Variants in TCF4 observed in about 807,000 individuals in gnomAD.
TCF4 encodes the protein transcription factor 4.
A neutral mutation model predicts 82.1 loss-of-function variants in TCF4; 3 were observed. The ratio of observed to expected loss-of-function variants is 0.04; its 90% CI spans 0.02 to 0.09. TCF4 has a LOEUF of 0.09. Among genes scored for constraint, TCF4 ranks in the 10% least tolerant of loss-of-function variants. The probability of loss-of-function intolerance (pLI) is 1.00; values close to 1 mark genes in which losing one functional copy is unlikely to be tolerated. For missense variants in TCF4, 518 were observed against 852.7 expected, an observed-to-expected ratio of 0.61 and a Z score of 4.89; for synonymous variants, 276 against 309.6, an observed-to-expected ratio of 0.89 and a Z score of 1.14.
rs770223124 is a variant in TCF4, at chr18:55,403,484, C to T, written c.339G>A (p.Gly113=). 6.2e-7 allele frequency: 1 copy of T among 1,613,834 alleles called. No homozygotes were observed. Among genetic ancestry groups the T allele is most frequent in the Non-Finnish European group, 8.5e-7 (1 of 1,179,820 alleles). ...GGCAACCCTGTAAGTTTGATTCTCT[C>T]CCATAAGATGAGTATGAGCCCCTTT... is the stretch of plus-strand genomic sequence containing the variant. ...KTERGSYSSY[G]RESNLQGCHQ... is the part of the protein sequence containing the mutation. Residue 113 remains glycine (G), a synonymous_variant, in exon 6 of 20, where the codon GGG becomes GGA. Transcript: ENST00000354452.
chr18:55,444,934 C>A (rs904623177), intron 5 of TCF4, among the ~76,000 whole-genome samples: 1 of 152,170 alleles, frequency 6.6e-6, no homozygotes, highest in Non-Finnish European at 1.5e-5. Context: ...CCTGCCTTGC[C>A]CATCAGTTAC....
chr18:55,527,427 C>T (rs184336262), intron 3 of TCF4, among the ~76,000 whole-genome samples: 6 of 152,268 alleles, frequency 3.9e-5, no homozygotes, highest in Admixed American at 6.5e-5. Flanking sequence ...CATACAAGCA[C>T]GTTTCTCAAT....
chr18:55,236,403 C>T (rs953973414), intron 15 of TCF4, among the ~76,000 whole-genome samples: 1 of 152,048 alleles, frequency 6.6e-6, no homozygotes, highest in Admixed American at 6.5e-5. Context: ...GTAGATTTCA[C>T]TCACTGATTC....
At chr18:55,451,124 A>C (rs1256685498) in intron 5 of TCF4, among the ~76,000 whole-genome samples, 1 of 152,160 alleles carries the variant, frequency 6.6e-6, no homozygotes, top group Non-Finnish European at 1.5e-5. Context: ...TACTACCTCC[A>C]CCTGCTCCTG....
chr18:55,600,361 T>G (rs1391969497), intron 2 of TCF4, among the ~76,000 whole-genome samples: 3 of 152,228 alleles, frequency 2.0e-5, no homozygotes, highest in Non-Finnish European at 2.9e-5. Context: ...ATGAACATAT[T>G]GCTTCTAATA....
At chr18:55,549,835 A>C (rs911071010) in intron 3 of TCF4, among the ~76,000 whole-genome samples, 2 of 152,174 alleles carry the variant, frequency 1.3e-5, no homozygotes, top group African/African-American at 4.8e-5. Context: ...AAAGTGGTAC[A>C]TGCAGTCCAC....
chr18:55,342,701 CCA>C, intron 8 of TCF4, among the ~76,000 whole-genome samples: 1 of 152,074 alleles, frequency 6.6e-6, no homozygotes, highest in South Asian at 2.1e-4. Flanking sequence ...AGCTAGAGCT[CCA>C]GTTTTTATAC....
At chr18:55,241,562 G>T (rs939750455) in intron 15 of TCF4, among the ~76,000 whole-genome samples, 3 of 152,216 alleles carry the variant, frequency 2.0e-5, no homozygotes, top group African/African-American at 4.8e-5. Flanking sequence ...TGCCTGAAGT[G>T]CAAGCATACC....
At chr18:55,237,558 C>T (rs539344289) in intron 15 of TCF4, among the ~76,000 whole-genome samples, 6 of 150,792 alleles carry the variant, frequency 4.0e-5, no homozygotes, top group African/African-American at 1.2e-4. Context: ...CAACCTCTGC[C>T]TCCCAGGTTC....
At chr18:55,264,045 A>G (rs1340456847) in intron 11 of TCF4, among the ~76,000 whole-genome samples, 1 of 152,148 alleles carries the variant, frequency 6.6e-6, no homozygotes, top group African/African-American at 2.4e-5. Context: ...TTGAAAACCA[A>G]TACAAATATT....
intron 6 of TCF4, among the ~76,000 whole-genome samples, chr18:55,365,251 A>G (rs142535803): frequency 0.014 from 1,661 of 119,354 alleles, 47 homozygotes; most frequent in African/African-American, 0.048. Context: ...ATGTGTGTGT[A>G]TATATATATA....
chr18:55,455,385 C>A lies in TCF4; in HGVS notation c.304+5634G>T, dbSNP rs987591579. 3.3e-5 allele frequency among the ~76,000 whole-genome samples: 5 copies of A among 151,680 alleles called. No individual in the cohort carries two copies. In the South Asian group the frequency reaches 1.0e-3, roughly 32 times the overall value. ...TTTCAGGAGGGCATTTTAAATTTAA[C>A]ATTAAAGAAATGAAAATTCCCAAAG... is the stretch of plus-strand genomic sequence containing the variant. On this transcript the variant is annotated intron_variant, in intron 5 of 19. Coordinates refer to ENST00000354452, the MANE Select transcript of TCF4 (RefSeq NM_001083962.2).
At position 55,386,924 on chromosome 18, in the gene TCF4, C is replaced by T. The variant is rs1476222949; in HGVS notation, c.369+16530G>A. Among the ~76,000 whole-genome samples the T allele has an allele frequency of 5.9e-5, 9 of 152,184 alleles. No homozygotes were observed. The South Asian group carries it at 1.9e-3, about 32-fold the overall frequency. ...AGCCACATCACAGAGCCAAAGGAGG[C>T]ACTGGTTTGCCAATGTGTCCATTTC... On this transcript the variant is annotated intron_variant, in intron 6 of 19. Transcript: ENST00000354452.
At chr18:55,296,202 A>G (rs2066460221) in intron 8 of TCF4, among the ~76,000 whole-genome samples, 1 of 152,010 alleles carries the variant, frequency 6.6e-6, no homozygotes, top group South Asian at 2.1e-4. Context: ...TGATAATCTC[A>G]GGCGATAGTG....
chr18:55,593,821 G>GCAAA (rs1462534928), intron 2 of TCF4, among the ~76,000 whole-genome samples: 5 of 151,974 alleles, frequency 3.3e-5, no homozygotes, highest in African/African-American at 4.8e-5. Context: ...AGGACCTGAG[G>GCAAA]CAAAAATGTA....
intron 3 of TCF4, among the ~76,000 whole-genome samples, chr18:55,507,876 C>T (rs2096780562): frequency 1.3e-5 from 2 of 152,126 alleles, no homozygotes; most frequent in Admixed American, 1.3e-4. Context: ...CCTAAAAATT[C>T]TCTAGGCTGA....
intron 3 of TCF4, among the ~76,000 whole-genome samples, chr18:55,527,975 TAA>T (rs2097009799): frequency 1.3e-5 from 2 of 152,204 alleles, no homozygotes; most frequent in South Asian, 4.1e-4. Context: ...AAGCCAGAGC[TAA>T]GATATTTGTA....
intron 3 of TCF4, among the ~76,000 whole-genome samples, chr18:55,569,113 C>CATCACT (rs2097435870): frequency 6.6e-6 from 1 of 151,510 alleles, no homozygotes; most frequent in Admixed American, 6.6e-5. Flanking sequence ...TCAACATCAA[C>CATCACT]ATCACTATTC....
chr18:55,263,287 TA>T (rs1012996201), intron 11 of TCF4, among the ~76,000 whole-genome samples: 25 of 152,178 alleles, frequency 1.6e-4, no homozygotes, highest in African/African-American at 6.0e-4. Flanking sequence ...GTACTCATGA[TA>T]GGTATTGTAT....
Sources: allele counts gnomAD v4.1 joint callset (sites outside exome capture counted in the v4.1 genomes callset), GRCh38; gene constraint gnomAD v4.1.1; transcripts MANE v1.5; gene names NCBI Gene and HGNC (gene_info 2026-07-23, HGNC 2026-07-21).